The following NLK variants were observed in gnomAD, a reference collection of about 807,000 sequenced individuals.
NLK encodes nemo like kinase, also known as serine/threonine-protein kinase NLK.
In NLK, 11 loss-of-function variants were observed where a neutral mutation model predicts 59.0. That is an observed-to-expected ratio of 0.19 (90% CI 0.12 to 0.31). The LOEUF (loss-of-function observed/expected upper bound fraction) is 0.31, where lower values mean the gene tolerates loss of function less well. Among genes scored for constraint, NLK ranks in the 10% least tolerant of loss-of-function variants. NLK has a pLI of 1.00. For synonymous variants in NLK, 235 were observed against 235.9 expected (o/e 1.00, Z 0.03); for missense variants, 410 against 661.1 (o/e 0.62, Z 4.16).
At chr17:28,079,245 A>G (rs1416643800) in intron 1 of NLK, among the ~76,000 whole-genome samples, 1 of 152,182 alleles carries the variant, frequency 6.6e-6, no homozygotes, top group Non-Finnish European at 1.5e-5. Flanking sequence ...TTGTATGTAT[A>G]TACCGTATTT....
intron 1 of NLK, among the ~76,000 whole-genome samples, chr17:28,064,083 T>C (rs922232424): frequency 6.6e-6 from 1 of 151,976 alleles, no homozygotes; most frequent in African/African-American, 2.4e-5. Flanking sequence ...TTATCAAATT[T>C]GCTGATCAGA....
At chr17:28,053,519 G>C (rs1909333126) in intron 1 of NLK, among the ~76,000 whole-genome samples, 1 of 152,124 alleles carries the variant, frequency 6.6e-6, no homozygotes, top group African/African-American at 2.4e-5. Context: ...TTGTGGTTTT[G>C]TTATCTGGAT....
chr17:28,054,169 A>G (rs1469721622), intron 1 of NLK, among the ~76,000 whole-genome samples: 2 of 152,246 alleles, frequency 1.3e-5, no homozygotes, highest in Non-Finnish European at 2.9e-5. Context: ...ATTGTGCAGA[A>G]GAAGGGGCTT....
intron 1 of NLK, among the ~76,000 whole-genome samples, chr17:28,058,335 C>T (rs1341414699): frequency 1.3e-5 from 2 of 152,220 alleles, no homozygotes. Flanking sequence ...CATCTATCAG[C>T]TTGTCTCTGT....
chr17:28,066,748 C>T (rs1222511283), intron 1 of NLK, among the ~76,000 whole-genome samples: 2 of 152,186 alleles, frequency 1.3e-5, no homozygotes, highest in African/African-American at 4.8e-5. Flanking sequence ...GTTCCAGTTG[C>T]TTGTGAGCAT....
intron 1 of NLK, among the ~76,000 whole-genome samples, chr17:28,118,368 A>G (rs1905873193): frequency 6.6e-6 from 1 of 152,206 alleles, no homozygotes; most frequent in African/African-American, 2.4e-5. Flanking sequence ...TTTTTATTAT[A>G]TTATGTATTT....
intron 1 of NLK, among the ~76,000 whole-genome samples, chr17:28,077,971 C>T (rs1271826729): frequency 1.3e-5 from 2 of 151,838 alleles, no homozygotes; most frequent in African/African-American, 4.8e-5. Context: ...AAATATGAAA[C>T]AATTCTTAAG....
chr17:28,106,940 C>T (rs976387412), intron 1 of NLK, among the ~76,000 whole-genome samples: 2 of 151,982 alleles, frequency 1.3e-5, no homozygotes, highest in Non-Finnish European at 2.9e-5. Context: ...TAAAAAAGAA[C>T]AGAGTAAGAT....
rs113222832 is a variant in NLK at position 28,122,373 on chromosome 17, A to AT, written c.459-217dup. Among the ~76,000 whole-genome samples the AT allele has an allele frequency of 5.9e-4, 86 of 146,604 alleles. 1 individual carries two copies. Among genetic ancestry groups the AT allele is most frequent in the East Asian group, 4.6e-3 (23 of 5,044 alleles). Reference sequence around the variant, plus strand: ...AGTGTTTATAGAAATTTAGACAGGGATTTTTTTTTTTTTAAAGCATGGCAG... The same window carrying AT: ...AGTGTTTATAGAAATTTAGACAGGGATTTTTTTTTTTTTTAAAGCATGGCAG... On this transcript the variant is annotated intron_variant, in intron 1 of 10. Coordinates refer to ENST00000407008, the MANE Select transcript of NLK (RefSeq NM_016231.5).
At chr17:28,082,694 A>C (rs980979859) in intron 1 of NLK, among the ~76,000 whole-genome samples, 25 of 152,232 alleles carry the variant, frequency 1.6e-4, no homozygotes, top group African/African-American at 5.8e-4. Context: ...GTTGATGCCC[A>C]AAAGGGTTTG....
intron 1 of NLK, among the ~76,000 whole-genome samples, chr17:28,062,987 G>A (rs1317898649): frequency 2.0e-5 from 3 of 152,150 alleles, no homozygotes; most frequent in African/African-American, 7.2e-5. Flanking sequence ...TTGGAGTGCA[G>A]TGGCACGATC....
chr17:28,073,206 A>T (rs1195349575), intron 1 of NLK, among the ~76,000 whole-genome samples: 3 of 152,196 alleles, frequency 2.0e-5, no homozygotes, highest in Non-Finnish European at 4.4e-5. Context: ...ACCAAAGCCA[A>T]TAAAGACCCT....
At chr17:28,157,876 A>C (rs1907843255) in intron 3 of NLK, among the ~76,000 whole-genome samples, 1 of 152,178 alleles carries the variant, frequency 6.6e-6, no homozygotes, top group Admixed American at 6.5e-5. Flanking sequence ...TAGAGTACCT[A>C]TACCTAGCAG....
At chr17:28,185,374 A>G (rs939011867) in intron 8 of NLK, 109 bp downstream of exon 8, 4 of 675,708 alleles carry the variant, frequency 5.9e-6, no homozygotes, top group Admixed American at 5.8e-5. Flanking sequence ...ACTTTTCAGA[A>G]TATAAACTTC....
intron 3 of NLK, among the ~76,000 whole-genome samples, chr17:28,134,807 G>A (rs187624851): frequency 5.3e-5 from 8 of 152,250 alleles, no homozygotes; most frequent in African/African-American, 1.9e-4. Context: ...CCTTGAACCT[G>A]GCCAGATGGT....
rs188604857 is a variant in NLK, at chr17:28,196,239, G to A, written c.*1603G>A. Reference sequence around the variant, plus strand: ...TTCACTTGAATGAGAAACGTGTTTAGTATCAAAAGAGCCCAAGAAGACACT... The same window carrying A: ...TTCACTTGAATGAGAAACGTGTTTAATATCAAAAGAGCCCAAGAAGACACT... On this transcript the variant is annotated 3_prime_UTR_variant, in exon 11 of 11. Coordinates refer to ENST00000407008, the MANE Select transcript of NLK (RefSeq NM_016231.5). The A allele has an allele frequency of 2.7e-4, 41 of 152,606 alleles. No individual in the cohort carries two copies. The highest frequency in any genetic ancestry group is 1.4e-3 in the Admixed American group (22 of 15,284). The allele number at this position is 152,606 out of a possible 1,614,324, so 9.5% of individuals were successfully genotyped here. A position where few individuals can be genotyped will look rare whatever the true frequency, so the allele number is the denominator to read the frequency against.
chr17:28,082,122 C>G lies in NLK; in HGVS notation c.458+38791C>G, dbSNP rs533599442. Among the ~76,000 whole-genome samples, 29 of 152,250 alleles carry G rather than the reference C, an allele frequency of 1.9e-4. No individual in the cohort carries two copies. In the South Asian group the frequency reaches 5.6e-3, roughly 29 times the overall value. On this transcript the variant is annotated intron_variant, in intron 1 of 10. Transcript: ENST00000407008. Reference sequence around the variant, plus strand: ...TTGGCCATGCTGGCCATGCTAGTCTCGAACTCCTGACCTCACATGATCCAC... The same window carrying G: ...TTGGCCATGCTGGCCATGCTAGTCTGGAACTCCTGACCTCACATGATCCAC...
chr17:28,106,092 A>G (rs1269939994), intron 1 of NLK, among the ~76,000 whole-genome samples: 2 of 152,242 alleles, frequency 1.3e-5, no homozygotes, highest in Non-Finnish European at 2.9e-5. Context: ...CATCCAGATT[A>G]TGGTTGGAGA....
intron 1 of NLK, among the ~76,000 whole-genome samples, chr17:28,079,795 G>A (rs1389336386): frequency 6.6e-6 from 1 of 152,088 alleles, no homozygotes; most frequent in Non-Finnish European, 1.5e-5. Flanking sequence ...TCTGTTGATT[G>A]TTTCCTTTGC....
Sources: gnomAD v4.1 joint callset for allele counts (sites outside exome capture counted in the v4.1 genomes callset) on GRCh38, gnomAD v4.1.1 for gene constraint, MANE v1.5 for transcripts, NCBI Gene and HGNC (gene_info 2026-07-23, HGNC 2026-07-21) for gene names.